The following RBBP8 variants were observed in gnomAD, a reference collection of about 807,000 sequenced individuals.
The protein encoded by RBBP8 is RB binding protein 8, endonuclease.
In RBBP8, 88 loss-of-function variants were observed where a neutral mutation model predicts 108.3. The ratio of observed to expected loss-of-function variants is 0.81; its 90% CI spans 0.68 to 0.97. The LOEUF (loss-of-function observed/expected upper bound fraction) is 0.97. Among genes scored for constraint, RBBP8 ranks in the 50% least tolerant of loss-of-function variants. RBBP8 has a pLI of 0.00. For missense variants in RBBP8, 1,023 were observed against 1,049.0 expected (o/e 0.98, Z 0.34); for synonymous variants, 332 against 348.2 (o/e 0.95, Z 0.52).
chr18:22,926,175 C>A (rs1909785732), intron 3 of RBBP8, among the ~76,000 whole-genome samples: 1 of 152,228 alleles, frequency 6.6e-6, no homozygotes, highest in Admixed American at 6.5e-5. Context: ...GTAACCCCAG[C>A]ACTTTGGGAG....
intron 2 of RBBP8, among the ~76,000 whole-genome samples, chr18:22,940,850 G>T (rs911881044): frequency 2.6e-5 from 4 of 151,562 alleles, no homozygotes; most frequent in African/African-American, 9.7e-5. Flanking sequence ...TCATTTTGTT[G>T]CCCAGGCTAG....
At chr18:23,021,645 T>C (rs1030582676) in intron 17 of RBBP8, among the ~76,000 whole-genome samples, 1 of 152,208 alleles carries the variant, frequency 6.6e-6, no homozygotes. Flanking sequence ...CAGATCTAAA[T>C]TATTTTTTAA....
chr18:22,987,031 G>T (rs933876515), intron 8 of RBBP8, among the ~76,000 whole-genome samples: 4 of 152,156 alleles, frequency 2.6e-5, no homozygotes, highest in African/African-American at 4.8e-5. Context: ...ACACATATAT[G>T]TTATCTTCCA....
chr18:22,969,789 G>C (rs952022481), intron 5 of RBBP8, among the ~76,000 whole-genome samples: 1 of 152,038 alleles, frequency 6.6e-6, no homozygotes, highest in African/African-American at 2.4e-5. Context: ...CATACTTTGT[G>C]TTCTAATGTG....
intron 4 of RBBP8, among the ~76,000 whole-genome samples, chr18:22,958,519 T>A (rs1912782962): frequency 6.6e-6 from 1 of 152,178 alleles, no homozygotes; most frequent in Non-Finnish European, 1.5e-5. Flanking sequence ...AATGCCTTAG[T>A]TATTCTACTC....
intron 7 of RBBP8, 143 bp from the exon 8 acceptor site, chr18:22,984,743 T>C: frequency 1.9e-6 from 1 of 514,638 alleles, no homozygotes; most frequent in African/African-American, 2.0e-5. Context: ...AATATGATAA[T>C]TATGTCAATA....
chr18:22,982,776 C>G (rs1011910767), intron 7 of RBBP8, among the ~76,000 whole-genome samples: 37 of 152,220 alleles, frequency 2.4e-4, no homozygotes, highest in African/African-American at 8.7e-4. Context: ...TGTATTATTG[C>G]TATGTTTTAA....
At chr18:22,936,493 T>G (rs1406948357) in intron 1 of RBBP8, among the ~76,000 whole-genome samples, 4 of 152,176 alleles carry the variant, frequency 2.6e-5, no homozygotes, top group Admixed American at 6.5e-5. Flanking sequence ...TTAATATAAT[T>G]GAGATAATTT....
intron 3 of RBBP8, among the ~76,000 whole-genome samples, chr18:22,922,755 G>A (rs142799314): frequency 1.7e-3 from 264 of 152,216 alleles, no homozygotes; most frequent in African/African-American, 5.9e-3. Context: ...ATGAGCCGCC[G>A]CACTTGGCCA....
At chr18:22,935,615 C>T (rs560288264) in intron 1 of RBBP8, among the ~76,000 whole-genome samples, 3 of 152,134 alleles carry the variant, frequency 2.0e-5, no homozygotes, top group Non-Finnish European at 2.9e-5. Flanking sequence ...TGTCAGAGAC[C>T]TCAGGAAATG....
intron 16 of RBBP8, among the ~76,000 whole-genome samples, chr18:23,007,809 G>GT (rs1355758367): frequency 6.7e-6 from 1 of 148,934 alleles, no homozygotes; most frequent in African/African-American, 2.5e-5. Flanking sequence ...AGCATGTTTT[G>GT]TTTTTTTGGT....
rs189355738 is a variant in RBBP8, at chr18:23,012,165, G to A, written c.2358-4663G>A. 6.7e-5 allele frequency among the ~76,000 whole-genome samples: 8 copies of A among 119,872 alleles called. No homozygotes were observed. In the East Asian group the frequency reaches 8.2e-4, roughly 12 times the overall value. 78.6% of individuals were successfully genotyped at this position (119,872 alleles called of 152,430 possible). On this transcript the variant is annotated intron_variant, in intron 16 of 18. Coordinates refer to ENST00000327155, the MANE Select transcript of RBBP8 (RefSeq NM_002894.3). ...GTCGAGACTAGTGAGCTGTGATCGC[G>A]CCACTGCACTCCAGCCTGGGAGACA... is the stretch of plus-strand genomic sequence containing the variant.
intron 17 of RBBP8, among the ~76,000 whole-genome samples, chr18:23,019,702 C>T (rs75190321): frequency 0.016 from 2,507 of 152,018 alleles, 45 homozygotes; most frequent in Admixed American, 0.051. Flanking sequence ...AAATATATCC[C>T]ATATCCATCC....
At chr18:22,921,994 G>C (rs1909614499) in intron 3 of RBBP8, among the ~76,000 whole-genome samples, 1 of 152,102 alleles carries the variant, frequency 6.6e-6, no homozygotes, top group Non-Finnish European at 1.5e-5. Flanking sequence ...ATTTTGAATA[G>C]TACAAGTTTG....
intron 2 of RBBP8, among the ~76,000 whole-genome samples, chr18:22,938,914 G>A (rs1310473922): frequency 2.0e-5 from 3 of 152,156 alleles, no homozygotes; most frequent in South Asian, 2.1e-4. Flanking sequence ...TTTTTATGAC[G>A]TGCAAGGAGT....
chr18:22,929,503 TGTGTGTGAA>T (rs1279528999), upstream of RBBP8: 1 of 66,876 alleles, frequency 1.5e-5, no homozygotes, highest in Non-Finnish European at 2.7e-5. Context: ...TGTGTGTGTG[TGTGTGTGAA>T]GAGACAGGCG....
intron 2 of RBBP8, among the ~76,000 whole-genome samples, chr18:22,938,132 T>TTTTTTC: frequency 6.6e-6 from 1 of 151,968 alleles, no homozygotes; most frequent in East Asian, 1.9e-4. Context: ...CAGCTGATCT[T>TTTTTTC]TTTTTCTTTT....
chr18:22,933,624 G>C (rs1695241731), intron 1 of RBBP8, 60 bp downstream of exon 1: 1 of 152,708 alleles, frequency 6.5e-6, no homozygotes, highest in South Asian at 2.1e-4. Context: ...ACTGCTTCTG[G>C]TCTGGAGCTG....
chr18:22,971,721 C>T (rs1217681567), intron 5 of RBBP8, among the ~76,000 whole-genome samples: 1 of 146,506 alleles, frequency 6.8e-6, no homozygotes, highest in Non-Finnish European at 1.5e-5. Flanking sequence ...TCTCTGCTCA[C>T]TGCAACCTCT....
Sources: allele counts gnomAD v4.1 joint callset (sites outside exome capture counted in the v4.1 genomes callset), GRCh38; gene constraint gnomAD v4.1.1; transcripts MANE v1.5; gene names NCBI Gene and HGNC (gene_info 2026-07-23, HGNC 2026-07-21).